Variants in TSC22D1 observed in about 807,000 individuals in gnomAD.
The protein encoded by TSC22D1 is TSC22 domain family member 1.
A neutral mutation model predicts 74.2 loss-of-function variants in TSC22D1; 9 were observed. The ratio of observed to expected loss-of-function variants is 0.12; its 90% confidence interval spans 0.07 to 0.21. The LOEUF (loss-of-function observed/expected upper bound fraction) is 0.21, where lower values mean the gene tolerates loss of function less well. Ranked by LOEUF, TSC22D1 falls within the 10% of genes least tolerant of loss-of-function variation. The probability of loss-of-function intolerance (pLI) is 1.00; values close to 1 mark genes in which losing one functional copy is unlikely to be tolerated. For synonymous variants in TSC22D1, 586 were observed against 492.5 expected (o/e 1.19, Z -2.51); for missense variants, 1,427 against 1,304.7 (o/e 1.09, Z -1.44).
chr13:44,449,029 AGC>A (rs1355318475), intron 1 of TSC22D1, among the ~76,000 whole-genome samples: 25 of 152,202 alleles, frequency 1.6e-4, no homozygotes, highest in African/African-American at 6.0e-4. Context: ...TTAAGAAACA[AGC>A]TGGGAGGCTG....
At chr13:44,494,133 T>C (rs1318760701) in intron 1 of TSC22D1, among the ~76,000 whole-genome samples, 1 of 151,640 alleles carries the variant, frequency 6.6e-6, no homozygotes, top group African/African-American at 2.4e-5. Flanking sequence ...CCCAGCACTT[T>C]GGGAAGCCAA....
chr13:44,555,275 T>C (rs7327580), intron 1 of TSC22D1, among the ~76,000 whole-genome samples: 1,813 of 152,188 alleles, frequency 0.012, 45 homozygotes, highest in African/African-American at 0.04. Flanking sequence ...TTTTTTTTTT[T>C]CCAGAAAACG....
At chr13:44,542,246 A>G (rs945164770) in intron 1 of TSC22D1, among the ~76,000 whole-genome samples, 7 of 152,118 alleles carry the variant, frequency 4.6e-5, no homozygotes, top group Non-Finnish European at 8.8e-5. Context: ...GCAAAAAGAA[A>G]GAGGTACATT....
chr13:44,528,245 ATTCTT>A (rs1880648396), intron 1 of TSC22D1, among the ~76,000 whole-genome samples: 1 of 152,036 alleles, frequency 6.6e-6, no homozygotes, highest in Admixed American at 6.6e-5. Flanking sequence ...CAGAATACAC[ATTCTT>A]CTCAAGCTCA....
chr13:44,436,871 T>G (rs1874710222), intron 1 of TSC22D1: 1 of 1,212,260 alleles, frequency 8.2e-7, no homozygotes, highest in African/African-American at 1.6e-5. Flanking sequence ...GGACTCCCAG[T>G]CTTAGTGCAA....
chr13:44,554,971 G>GTA (rs753408268), intron 1 of TSC22D1, among the ~76,000 whole-genome samples: 1 of 152,030 alleles, frequency 6.6e-6, no homozygotes, highest in Non-Finnish European at 1.5e-5. Flanking sequence ...CTCAAATATA[G>GTA]TATAACTTGG....
chr13:44,470,505 G>A (rs1877540168), intron 1 of TSC22D1, among the ~76,000 whole-genome samples: 1 of 152,130 alleles, frequency 6.6e-6, no homozygotes. Flanking sequence ...ATTTTTATAG[G>A]AAAGATTCCT....
chr13:44,459,664 G>C (rs1876887070), intron 1 of TSC22D1, among the ~76,000 whole-genome samples: 1 of 152,200 alleles, frequency 6.6e-6, no homozygotes, highest in South Asian at 2.1e-4. Context: ...CCAACCCAGG[G>C]CTGTGACACC....
intron 1 of TSC22D1, among the ~76,000 whole-genome samples, chr13:44,565,285 A>G (rs1883297850): frequency 6.6e-6 from 1 of 151,952 alleles, no homozygotes; most frequent in Non-Finnish European, 1.5e-5. Flanking sequence ...AACCTGAAAG[A>G]CAGACTGAAA....
At chr13:44,493,073 C>CA (rs1566138315) in intron 1 of TSC22D1, among the ~76,000 whole-genome samples, 1 of 151,890 alleles carries the variant, frequency 6.6e-6, no homozygotes, top group African/African-American at 2.4e-5. Flanking sequence ...AACACACAAA[C>CA]AAAAAAATGA....
rs551001428 is a variant in TSC22D1, at chr13:44,487,642, T to C, written c.2913-51547A>G. ...AGAGGTATCAGGACCAAACTGAGTT[T>C]ATCCCAGCAATACAAGAGTAGCTTA... On this transcript the variant is annotated intron_variant, in intron 1 of 2. Transcript: ENST00000458659. 5.3e-5 allele frequency among the ~76,000 whole-genome samples: 8 copies of C among 151,744 alleles called. No individual in the cohort carries two copies. The South Asian group carries it at 1.7e-3, about 32-fold the overall frequency.
rs57468850 is a variant in TSC22D1, at chr13:44,494,375, C to CAAAAAAAAAAAAAA, written c.2913-58294_2913-58281dup. Among the ~76,000 whole-genome samples, 6 of 26,474 alleles carry CAAAAAAAAAAAAAA rather than the reference C, an allele frequency of 2.3e-4. 2 individuals carry two copies. Among genetic ancestry groups the CAAAAAAAAAAAAAA allele is most frequent in the African/African-American group, 1.1e-3 (6 of 5,708 alleles). The allele number at this position is 26,474 out of a possible 152,430, so 17.4% of individuals were successfully genotyped here. On this transcript the variant is annotated intron_variant, in intron 1 of 2. Transcript: ENST00000458659. ...TGGGTGACAGACCAAGACTCCGTAT[C>CAAAAAAAAAAAAAA]AAAAAAAAAAAAAAAAAAAAAAAAA...
rs937949983 is a variant in TSC22D1 at position 44,573,259 on chromosome 13, G to A, written c.2816C>T (p.Ser939Leu). The A allele has an allele frequency of 3.7e-6, 6 of 1,614,242 alleles. No individual in the cohort carries two copies. The East Asian group carries it at 1.1e-4, about 30-fold the overall frequency. The change falls in exon 1 of 3, where the codon TCA becomes TTA. Residue 939 changes from serine (S) to leucine (L), a missense_variant. By Grantham distance (145) the Ser-to-Leu change is moderately radical. Coordinates refer to ENST00000458659, the MANE Select transcript of TSC22D1 (RefSeq NM_183422.4). Reference sequence around the variant, plus strand: ...TGCTAGGCTGCTGCTACTCCCATCTGAAACTGCTGACATTCCCCCACTGTC... The same window carrying A: ...TGCTAGGCTGCTGCTACTCCCATCTAAAACTGCTGACATTCCCCCACTGTC... ...SGDSGGMSAV[S>L]DGSSSSLAAS...
At chr13:44,554,630 C>CAAAAAAAAAAA (rs59922380) in intron 1 of TSC22D1, among the ~76,000 whole-genome samples, 3 of 68,614 alleles carry the variant, frequency 4.4e-5, no homozygotes, top group African/African-American at 9.5e-5. Flanking sequence ...ATACCAGGAA[C>CAAAAAAAAAAA]AAAAAAAAAA....
At chr13:44,517,361 A>AC (rs1566149312) in intron 1 of TSC22D1, among the ~76,000 whole-genome samples, 22 of 140,338 alleles carry the variant, frequency 1.6e-4, no homozygotes, top group African/African-American at 5.4e-4. Context: ...CACACACACA[A>AC]ATGTACTCCT....
At chr13:44,454,607 A>G (rs1876417503) in intron 1 of TSC22D1, among the ~76,000 whole-genome samples, 1 of 152,228 alleles carries the variant, frequency 6.6e-6, no homozygotes, top group African/African-American at 2.4e-5. Context: ...TTCCTCCACT[A>G]AAACATACTA....
rs764582424 is a variant in TSC22D1 at position 44,573,281 on chromosome 13, T to C, written c.2794A>G (p.Ser932Gly). 3.1e-6 allele frequency: 5 copies of C among 1,614,256 alleles called. No individual in the cohort carries two copies. Among genetic ancestry groups the C allele is most frequent in the South Asian group, 2.2e-5 (2 of 91,086 alleles). Residue 932 changes from serine to glycine, a missense_variant, in exon 1 of 3, where the codon AGT becomes GGT. Around this residue, in one of 3 missense-constraint regions of TSC22D1, gnomAD observed 1,343 missense variants for 1,191.5 expected, o/e 1.13. Coordinates refer to ENST00000458659, the MANE Select transcript of TSC22D1 (RefSeq NM_183422.4). ...VGLPQTISGD[S>G]GGMSAVSDGS... ...TCTGAAACTGCTGACATTCCCCCACTGTCACCACTGATAGTCTGAGGTAAG... is the reference window on the plus strand; with the variant it reads ...TCTGAAACTGCTGACATTCCCCCACCGTCACCACTGATAGTCTGAGGTAAG...
At chr13:44,548,866 AAGAT>A (rs1882005876) in intron 1 of TSC22D1, among the ~76,000 whole-genome samples, 1 of 152,206 alleles carries the variant, frequency 6.6e-6, no homozygotes, top group Non-Finnish European at 1.5e-5. Context: ...ACAAATATAT[AAGAT>A]AGACTTTTAA....
chr13:44,575,811 A>C lies in TSC22D1; in HGVS notation c.264T>G (p.Leu88=). 1 of 1,613,376 alleles carries C rather than the reference A, an allele frequency of 6.2e-7. No individual in the cohort carries two copies. Among genetic ancestry groups the C allele is most frequent in the Admixed American group, 1.7e-5 (1 of 59,964 alleles). ...QPPPPQSLNL[L]SQAQLQAQPL... is the part of the protein sequence containing the mutation. Reference sequence around the variant, plus strand: ...GCTGTGCCTGCAGCTGAGCCTGCGAAAGGAGGTTCAGGCTTTGTGGAGGCG... The same window carrying C: ...GCTGTGCCTGCAGCTGAGCCTGCGACAGGAGGTTCAGGCTTTGTGGAGGCG... Residue 88 remains leucine (L), a synonymous_variant, in exon 1 of 3, where the codon CTT becomes CTG. Coordinates refer to ENST00000458659, the MANE Select transcript of TSC22D1 (RefSeq NM_183422.4).
Sources: gnomAD v4.1 joint callset for allele counts (sites outside exome capture counted in the v4.1 genomes callset) on GRCh38, gnomAD v4.1.1 for gene constraint, gnomAD v4.1.1 regional missense constraint, MANE v1.5 for transcripts, NCBI Gene and HGNC (gene_info 2026-07-23, HGNC 2026-07-21) for gene names.